The following MNAT1 variants were observed in gnomAD, a reference collection of about 807,000 sequenced individuals.
MNAT1 encodes the protein MNAT1 component of CDK activating kinase, also known as CDK-activating kinase assembly factor MAT1.
A neutral mutation model predicts 42.0 loss-of-function variants in MNAT1; 43 were observed. That is an observed-to-expected ratio of 1.02 (90% CI 0.80 to 1.32). The LOEUF is 1.32. MNAT1 is among the 40% of genes most tolerant of loss of function. The probability of loss-of-function intolerance (pLI) is 0.00; values close to 1 mark genes in which losing one functional copy is unlikely to be tolerated. For missense variants in MNAT1, 306 were observed against 350.4 expected (o/e 0.87, Z 1.01); for synonymous variants, 118 against 120.0 (o/e 0.98, Z 0.11).
chr14:60,741,658 GTTT>G (rs3049888), intron 1 of MNAT1, among the ~76,000 whole-genome samples: 4 of 92,024 alleles, frequency 4.3e-5, no homozygotes, highest in African/African-American at 1.6e-4. Context: ...TGCGCCTGGG[GTTT>G]TTTTTTTTTT....
intron 7 of MNAT1, among the ~76,000 whole-genome samples, chr14:60,942,189 G>A (rs1052356806): frequency 2.0e-4 from 31 of 151,914 alleles, no homozygotes; most frequent in African/African-American, 7.3e-4. Flanking sequence ...AATGATTACC[G>A]TTAAGTTGTC....
chr14:60,741,995 T>A (rs964400622), intron 1 of MNAT1, among the ~76,000 whole-genome samples: 5 of 152,118 alleles, frequency 3.3e-5, no homozygotes, highest in African/African-American at 1.2e-4. Flanking sequence ...TTTTTGTTGT[T>A]CTTTTGCTCC....
intron 5 of MNAT1, among the ~76,000 whole-genome samples, chr14:60,817,796 A>G (rs2032760328): frequency 1.3e-5 from 2 of 152,102 alleles, no homozygotes; most frequent in South Asian, 4.1e-4. Context: ...ATGTTTTAGC[A>G]CATTATCCTG....
intron 1 of MNAT1, among the ~76,000 whole-genome samples, chr14:60,789,101 T>G (rs2031739712): frequency 6.6e-6 from 1 of 152,108 alleles, no homozygotes; most frequent in Non-Finnish European, 1.5e-5. Context: ...CCTGTGATTG[T>G]TTTTTTCACC....
intron 6 of MNAT1, among the ~76,000 whole-genome samples, chr14:60,854,983 G>A (rs2033918165): frequency 6.6e-6 from 1 of 152,128 alleles, no homozygotes; most frequent in Admixed American, 6.5e-5. Flanking sequence ...CCCCTGACTG[G>A]GCTGTTACCT....
chr14:60,952,842 A>G lies in MNAT1; in HGVS notation c.810-15387A>G, dbSNP rs915105613. Among the ~76,000 whole-genome samples the G allele has an allele frequency of 5.3e-5, 8 of 152,178 alleles. No homozygotes were observed. In the South Asian group the frequency reaches 1.4e-3, roughly 28 times the overall value. ...ATACATTTCAGAGACAGAATCAAGA[A>G]TCAGGAAAGAGAGGAGGTAAACCAA... is the stretch of plus-strand genomic sequence containing the variant. On this transcript the variant is annotated intron_variant, in intron 7 of 7. Coordinates refer to ENST00000261245, the MANE Select transcript of MNAT1 (RefSeq NM_002431.4).
chr14:60,747,573 G>A (rs1415904752), intron 1 of MNAT1, among the ~76,000 whole-genome samples: 1 of 152,164 alleles, frequency 6.6e-6, no homozygotes, highest in Non-Finnish European at 1.5e-5. Context: ...CCTATATAGG[G>A]CAGTTACCCT....
At chr14:60,891,403 G>A (rs1012615492) in intron 7 of MNAT1, among the ~76,000 whole-genome samples, 3 of 148,978 alleles carry the variant, frequency 2.0e-5, no homozygotes, top group Admixed American at 1.3e-4. Flanking sequence ...TCTCTTTCTA[G>A]TTCCTTAAGT....
rs577592437 is a variant in MNAT1 at position 60,901,641 on chromosome 14, C to T, written c.809+21806C>T. Among the ~76,000 whole-genome samples the T allele has an allele frequency of 1.7e-4, 26 of 152,274 alleles. No homozygotes were observed. In the East Asian group the frequency reaches 5.0e-3, roughly 29 times the overall value. On this transcript the variant is annotated intron_variant, in intron 7 of 7. Coordinates refer to ENST00000261245, the MANE Select transcript of MNAT1 (RefSeq NM_002431.4). ...GAGGAGGTCAGAATATCAGCATTAT[C>T]AGGAATTTGAAAGAAGTTAATTCCA...
At chr14:60,880,428 G>T (rs185244158) in intron 7 of MNAT1, among the ~76,000 whole-genome samples, 9 of 152,232 alleles carry the variant, frequency 5.9e-5, no homozygotes, top group Middle Eastern at 3.4e-3. Context: ...CTTGAAAAGC[G>T]CAGGCACAGA....
intron 6 of MNAT1, among the ~76,000 whole-genome samples, chr14:60,866,757 A>G (rs1345002416): frequency 6.6e-6 from 1 of 152,052 alleles, no homozygotes; most frequent in Non-Finnish European, 1.5e-5. Flanking sequence ...TTTAGTTGTA[A>G]TTATATATTA....
intron 7 of MNAT1, among the ~76,000 whole-genome samples, chr14:60,912,643 A>G (rs549112235): frequency 6.6e-6 from 1 of 152,310 alleles, no homozygotes; most frequent in South Asian, 2.1e-4. Flanking sequence ...AATGTTGAAT[A>G]TTGGCCCCCA....
At chr14:60,857,080 C>T (rs946848972) in intron 6 of MNAT1, among the ~76,000 whole-genome samples, 7 of 152,226 alleles carry the variant, frequency 4.6e-5, no homozygotes, top group Non-Finnish European at 7.3e-5. Context: ...GACAGCGTAT[C>T]TGCTTACAGC....
intron 1 of MNAT1, among the ~76,000 whole-genome samples, chr14:60,778,112 T>C (rs1429252722): frequency 6.6e-6 from 1 of 152,218 alleles, no homozygotes; most frequent in African/African-American, 2.4e-5. Flanking sequence ...ATGCTTGCTC[T>C]GCTAGTCATC....
At chr14:60,919,496 G>A (rs2035606243) in intron 7 of MNAT1, 1 of 153,068 alleles carries the variant, frequency 6.5e-6, no homozygotes, top group South Asian at 2.0e-4. Context: ...GCGTCTTTTT[G>A]GTGAGGTCCA....
intron 6 of MNAT1, among the ~76,000 whole-genome samples, chr14:60,846,040 C>G (rs989782228): frequency 1.2e-4 from 18 of 152,046 alleles, no homozygotes; most frequent in Non-Finnish European, 7.4e-5. Flanking sequence ...AATACTGTTT[C>G]AATTTCTTTA....
In MNAT1 at chr14:60,741,657, G is replaced by GGTTTT. The variant is rs1342941942; in HGVS notation, c.89+6707_89+6711dup. ...TACAGGCGTGAGCCACTGCGCCTGGGGTTTTTTTTTTTTTTTTTTTTTTAA... is the reference window on the plus strand; with the variant it reads ...TACAGGCGTGAGCCACTGCGCCTGGGGTTTTGTTTTTTTTTTTTTTTTTTTTTTAA... On this transcript the variant is annotated intron_variant, in intron 1 of 7. Transcript: ENST00000261245. Among the ~76,000 whole-genome samples, 3 of 20,904 alleles carry GGTTTT rather than the reference G, an allele frequency of 1.4e-4. No homozygotes were observed. In the East Asian group the frequency reaches 2.9e-3, roughly 20 times the overall value. 13.7% of individuals were successfully genotyped at this position (20,904 alleles called of 152,430 possible). A position where few individuals can be genotyped will look rare whatever the true frequency, so the allele number is the denominator to read the frequency against.
chr14:60,834,049 A>T (rs1428278283), intron 6 of MNAT1, among the ~76,000 whole-genome samples: 1 of 152,044 alleles, frequency 6.6e-6, no homozygotes, highest in Non-Finnish European at 1.5e-5. Flanking sequence ...TATTGTGTCT[A>T]TTTGATTCTT....
chr14:60,773,486 T>G (rs1467672203), intron 1 of MNAT1, among the ~76,000 whole-genome samples: 1 of 152,052 alleles, frequency 6.6e-6, no homozygotes, highest in East Asian at 1.9e-4. Context: ...ATAAGATTCT[T>G]GATTTTGATA....
Sources: gnomAD v4.1 joint callset for allele counts (sites outside exome capture counted in the v4.1 genomes callset) on GRCh38, gnomAD v4.1.1 for gene constraint, MANE v1.5 for transcripts, NCBI Gene and HGNC (gene_info 2026-07-23, HGNC 2026-07-21) for gene names.